TLL1: variants seen among roughly 807,000 people sequenced by gnomAD.
TLL1 encodes the protein tolloid like 1, also known as tolloid-like protein 1.
In TLL1, 49 loss-of-function variants were observed where a neutral mutation model predicts 128.2. That is an observed-to-expected ratio of 0.38 (90% CI 0.30 to 0.48). The LOEUF is 0.48. Ranked by LOEUF, TLL1 falls within the 20% of genes least tolerant of loss-of-function variation. The pLI, the probability that TLL1 is intolerant of heterozygous loss-of-function variation, is 0.96. For synonymous variants in TLL1, 454 were observed against 418.8 expected, an observed-to-expected ratio of 1.08 and a Z score of -1.03; for missense variants, 1,123 against 1,242.0, an observed-to-expected ratio of 0.90 and a Z score of 1.44.
intron 12 of TLL1, among the ~76,000 whole-genome samples, chr4:166,048,102 G>T (rs1047848378): frequency 6.6e-6 from 1 of 152,052 alleles, no homozygotes; most frequent in African/African-American, 2.4e-5. Flanking sequence ...TGGGCGTGGT[G>T]GTGGGCGCCC....
chr4:165,939,304 G>A (rs1211568894), intron 1 of TLL1, among the ~76,000 whole-genome samples: 1 of 151,808 alleles, frequency 6.6e-6, no homozygotes, highest in East Asian at 1.9e-4. Context: ...GGCAGGAAAA[G>A]GGGGCTTTGA....
intron 14 of TLL1, among the ~76,000 whole-genome samples, chr4:166,057,751 T>A (rs1369043482): frequency 6.6e-6 from 1 of 152,134 alleles, no homozygotes; most frequent in East Asian, 1.9e-4. Flanking sequence ...CCAGAAAGCA[T>A]GTGCAGGGGA....
chr4:166,034,474 A>T (rs1738906737), intron 9 of TLL1, among the ~76,000 whole-genome samples: 1 of 147,292 alleles, frequency 6.8e-6, no homozygotes, highest in African/African-American at 2.4e-5. Context: ...AAATTGGGTT[A>T]TGACTAGAGT....
chr4:166,053,320 T>G (rs915985006), intron 12 of TLL1: 3 of 152,084 alleles, frequency 2.0e-5, no homozygotes, highest in Non-Finnish European at 2.9e-5. Flanking sequence ...CTTATCTTGC[T>G]ACGCTTTCTA....
At chr4:165,903,360 C>G (rs993697364) in intron 1 of TLL1, among the ~76,000 whole-genome samples, 8 of 150,350 alleles carry the variant, frequency 5.3e-5, no homozygotes, top group Non-Finnish European at 1.0e-4. Flanking sequence ...AAGAAAGTGA[C>G]AATACTGTAT....
chr4:165,966,052 G>T (rs143363056), intron 1 of TLL1, among the ~76,000 whole-genome samples: 1 of 151,804 alleles, frequency 6.6e-6, no homozygotes, highest in Non-Finnish European at 1.5e-5. Flanking sequence ...GGTGGTGGGC[G>T]CCTGTAATCC....
intron 7 of TLL1, among the ~76,000 whole-genome samples, chr4:166,011,236 A>G (rs1737680827): frequency 6.6e-6 from 1 of 151,482 alleles, no homozygotes; most frequent in Admixed American, 6.6e-5. Context: ...GAATCTGTAG[A>G]TCACTTTGGA....
At chr4:165,951,528 A>G (rs1415901005) in intron 1 of TLL1, among the ~76,000 whole-genome samples, 1 of 152,198 alleles carries the variant, frequency 6.6e-6, no homozygotes, top group Admixed American at 6.5e-5. Flanking sequence ...CAGTGGCTAC[A>G]TTCAAGAAGG....
At chr4:165,925,925 ATAAAG>A (rs1250220518) in intron 1 of TLL1, among the ~76,000 whole-genome samples, 4 of 152,218 alleles carry the variant, frequency 2.6e-5, no homozygotes, top group Admixed American at 6.5e-5. Flanking sequence ...ATTTTTAGCA[ATAAAG>A]TAATTTTAGG....
intron 8 of TLL1, among the ~76,000 whole-genome samples, chr4:166,017,287 C>T (rs564697989): frequency 4.6e-5 from 7 of 152,194 alleles, no homozygotes; most frequent in South Asian, 2.1e-4. Context: ...TTTATAGCTG[C>T]GTAGTATTTC....
At chr4:165,926,004 T>C (rs1390284949) in intron 1 of TLL1, among the ~76,000 whole-genome samples, 1 of 152,202 alleles carries the variant, frequency 6.6e-6, no homozygotes, top group African/African-American at 2.4e-5. Context: ...CAGCGTAGTA[T>C]AAATATAACT....
At chr4:165,887,494 G>A (rs17047048) in intron 1 of TLL1, among the ~76,000 whole-genome samples, 2,633 of 152,296 alleles carry the variant, frequency 0.017, 88 homozygotes, top group African/African-American at 0.061. Context: ...TGGATAGACA[G>A]TGATACAGAT....
At chr4:165,973,881 G>A (rs1014574955) in intron 1 of TLL1, among the ~76,000 whole-genome samples, 1 of 152,050 alleles carries the variant, frequency 6.6e-6, no homozygotes, top group South Asian at 2.1e-4. Flanking sequence ...GGTCAGGCTG[G>A]TTTCAAACTC....
intron 1 of TLL1, among the ~76,000 whole-genome samples, chr4:165,936,191 C>CAG (rs1561039259): frequency 1.5e-5 from 2 of 134,122 alleles, no homozygotes; most frequent in Non-Finnish European, 3.1e-5. Flanking sequence ...CATTTTGCTT[C>CAG]ATATATATAT....
At chr4:165,881,833 G>T (rs192609260) in intron 1 of TLL1, among the ~76,000 whole-genome samples, 12 of 152,298 alleles carry the variant, frequency 7.9e-5, no homozygotes, top group South Asian at 4.1e-4. Context: ...TAAGACAGGG[G>T]CTGGGTTGGA....
chr4:165,983,550 G>A (rs761349625), intron 1 of TLL1, among the ~76,000 whole-genome samples: 2 of 151,754 alleles, frequency 1.3e-5, no homozygotes, highest in African/African-American at 2.4e-5. Flanking sequence ...CTAACAGAAT[G>A]TGTCTGTATC....
At chr4:165,885,389 A>T (rs1451300600) in intron 1 of TLL1, among the ~76,000 whole-genome samples, 1 of 151,738 alleles carries the variant, frequency 6.6e-6, no homozygotes, top group African/African-American at 2.4e-5. Context: ...CACCGAGAGG[A>T]AGGGGAAGGT....
At chr4:166,022,426 T>C (rs2111064816) in intron 8 of TLL1, among the ~76,000 whole-genome samples, 1 of 152,288 alleles carries the variant, frequency 6.6e-6, no homozygotes, top group African/African-American at 2.4e-5. Flanking sequence ...TCAGCCCGCC[T>C]TGGCCTCCCA....
chr4:166,097,964 C>T (rs902511542), intron 19 of TLL1, among the ~76,000 whole-genome samples: 4 of 152,090 alleles, frequency 2.6e-5, no homozygotes, highest in African/African-American at 9.7e-5. Flanking sequence ...TCCCTCCTAA[C>T]CACCATGCTT....
Sources: gnomAD v4.1 joint callset for allele counts (sites outside exome capture counted in the v4.1 genomes callset) on GRCh38, gnomAD v4.1.1 for gene constraint, MANE v1.5 for transcripts, NCBI Gene and HGNC (gene_info 2026-07-23, HGNC 2026-07-21) for gene names.